The following ZBTB44 variants were observed in gnomAD, a reference collection of about 807,000 sequenced individuals.
ZBTB44 encodes zinc finger and BTB domain-containing protein 44.
In ZBTB44, 15 loss-of-function variants were observed where a neutral mutation model predicts 54.0. That is an observed-to-expected ratio of 0.28 (90% CI 0.19 to 0.43). The LOEUF (loss-of-function observed/expected upper bound fraction) is 0.43, where lower values mean the gene tolerates loss of function less well. Ranked by LOEUF, ZBTB44 falls within the 20% of genes least tolerant of loss-of-function variation. ZBTB44 has a pLI of 1.00. For synonymous variants in ZBTB44, 230 were observed against 250.1 expected, an observed-to-expected ratio of 0.92 and a Z score of 0.76; for missense variants, 487 against 707.1, an observed-to-expected ratio of 0.69 and a Z score of 3.53.
chr11:130,278,976 A>G (rs1485015425), intron 1 of ZBTB44, among the ~76,000 whole-genome samples: 1 of 151,990 alleles, frequency 6.6e-6, no homozygotes, highest in Non-Finnish European at 1.5e-5. Flanking sequence ...CATGAGTCAT[A>G]ATTTCTTTTT....
intron 1 of ZBTB44, among the ~76,000 whole-genome samples, chr11:130,265,547 G>A (rs942126339): frequency 1.2e-4 from 18 of 152,178 alleles, no homozygotes; most frequent in Admixed American, 1.3e-4. Context: ...AGAGCTGAGA[G>A]AGCCTGAAAG....
At chr11:130,298,404 C>CA (rs1941788330) in intron 1 of ZBTB44, among the ~76,000 whole-genome samples, 1 of 151,336 alleles carries the variant, frequency 6.6e-6, no homozygotes, top group Non-Finnish European at 1.5e-5. Flanking sequence ...CTTAGCTTCC[C>CA]AAAGTGCTGA....
intron 1 of ZBTB44, chr11:130,297,035 T>C (rs950865337): frequency 3.8e-5 from 26 of 686,490 alleles, no homozygotes; most frequent in African/African-American, 1.3e-4. Context: ...AATCATCCGA[T>C]AGCAGGCAGC....
intron 1 of ZBTB44, among the ~76,000 whole-genome samples, chr11:130,290,072 T>A (rs908272796): frequency 3.3e-5 from 5 of 152,178 alleles, no homozygotes; most frequent in African/African-American, 1.2e-4. Context: ...ATGGGGAGAT[T>A]ATCCCAGATT....
chr11:130,296,546 G>A, intron 1 of ZBTB44: 1 of 894,474 alleles, frequency 1.1e-6, no homozygotes, highest in South Asian at 1.5e-5. Flanking sequence ...TGTTCACTAT[G>A]ACCATCCGGA....
rs552631959 is a variant in ZBTB44 at position 130,300,187 on chromosome 11, G to A, written c.-57+14188C>T. ...CAGAGATGGGGAGTTACTGTTTAAC[G>A]AGCACAGTTACACTTCTGAAAGATG... is the stretch of plus-strand genomic sequence containing the variant. On this transcript the variant is annotated intron_variant, in intron 1 of 7. Coordinates refer to ENST00000357899, the MANE Select transcript of ZBTB44 (RefSeq NM_001301098.2). Among the ~76,000 whole-genome samples, 6 of 152,298 alleles carry A rather than the reference G, an allele frequency of 3.9e-5. No individual in the cohort carries two copies. The South Asian group carries it at 6.2e-4, about 16-fold the overall frequency.
intron 1 of ZBTB44, among the ~76,000 whole-genome samples, chr11:130,305,123 G>A (rs1592077007): frequency 6.6e-6 from 1 of 152,178 alleles, no homozygotes; most frequent in Non-Finnish European, 1.5e-5. Context: ...ACAAACAAAT[G>A]GAAACACATC....
At chr11:130,264,328 A>G (rs1028141667) in intron 1 of ZBTB44, among the ~76,000 whole-genome samples, 3 of 152,200 alleles carry the variant, frequency 2.0e-5, no homozygotes, top group Admixed American at 2.0e-4. Context: ...AAGAGAAGTG[A>G]AAGAAGAAAG....
rs535604718 is a variant in ZBTB44 at position 130,229,886 on chromosome 11, T to C, written c.*1878A>G. On this transcript the variant is annotated 3_prime_UTR_variant, in exon 8 of 8. Transcript: ENST00000357899. ...TGTAAACTTCACACTAGTTTTTTTT[T>C]CCCAGTTAGTATTAATATTTAGAAA... The C allele has an allele frequency of 6.6e-6, 1 of 152,234 alleles. No homozygotes were observed. Among genetic ancestry groups the C allele is most frequent in the East Asian group, 1.9e-4 (1 of 5,188 alleles). 9.4% of individuals were successfully genotyped at this position (152,234 alleles called of 1,614,324 possible). A position where few individuals can be genotyped will look rare whatever the true frequency, so the allele number is the denominator to read the frequency against.
intron 2 of ZBTB44, among the ~76,000 whole-genome samples, chr11:130,257,238 T>TAAAAAAAAAAAAAA: frequency 9.1e-6 from 1 of 109,342 alleles, no homozygotes; most frequent in Non-Finnish European, 2.0e-5. Context: ...TCCCAGATCT[T>TAAAAAAAAAAAAAA]AAAAAAAAAA....
rs748954468 is a variant in ZBTB44 at position 130,237,070 on chromosome 11, G to A, written c.1291C>T (p.Arg431Cys). The change falls in exon 5 of 8, where the codon CGC becomes TGC. Residue 431 changes from arginine to cysteine, a missense_variant. This residue lies in a region of ZBTB44 where 120 missense variants were observed against 240.3 expected (regional missense o/e 0.50). Transcript: ENST00000357899. ...HSGIKPFQCD[R>C]CGKKFTRAYS... ...GCCCTGGTGAACTTTTTCCCACAGCGGTCACACTGAAATGGTTTAATTCCT... is the reference window on the plus strand; with the variant it reads ...GCCCTGGTGAACTTTTTCCCACAGCAGTCACACTGAAATGGTTTAATTCCT... The A allele has an allele frequency of 2.5e-6, 4 of 1,586,302 alleles. No individual in the cohort carries two copies. Among genetic ancestry groups the A allele is most frequent in the Admixed American group, 1.8e-5 (1 of 55,772 alleles).
chr11:130,260,975 T>A lies in ZBTB44; in HGVS notation c.899A>T (p.His300Leu). The A allele has an allele frequency of 6.2e-7, 1 of 1,614,008 alleles. No homozygotes were observed. The highest frequency in any genetic ancestry group is 8.5e-7 in the Non-Finnish European group (1 of 1,179,890). ...KVERLSDEEV[H>L]EEVSQPVSAS... ...ACTGACAGGCTGGGACACTTCCTCA[T>A]GGACCTCCTCATCACTTAATCTTTC... Residue 300 changes from histidine (H) to leucine (L), a missense_variant, in exon 2 of 8, where the codon CAT becomes CTT. His to Leu is a moderately conservative substitution (Grantham distance 99). Around this residue, in one of 3 missense-constraint regions of ZBTB44, gnomAD observed 277 missense variants for 306.5 expected, o/e 0.90. Transcript: ENST00000357899.
chr11:130,279,310 A>T (rs1293802954), intron 1 of ZBTB44, among the ~76,000 whole-genome samples: 3 of 133,486 alleles, frequency 2.2e-5, no homozygotes, highest in African/African-American at 9.4e-5. Context: ...CTGTTATTTA[A>T]AAAAAAAAAA....
intron 1 of ZBTB44, among the ~76,000 whole-genome samples, chr11:130,313,966 A>ATATATTTTT (rs1160244728): frequency 8.6e-6 from 1 of 116,134 alleles, no homozygotes; most frequent in African/African-American, 2.8e-5. Flanking sequence ...ATATATATAT[A>ATATATTTTT]TTTTTTTAAA....
At chr11:130,240,366 AT>A (rs368745050) in intron 2 of ZBTB44, among the ~76,000 whole-genome samples, 10 of 151,506 alleles carry the variant, frequency 6.6e-5, no homozygotes, top group Admixed American at 3.3e-4. Flanking sequence ...AATGTTTGTG[AT>A]TTTAAAGAAA....
At position 130,228,840 on chromosome 11, in the gene ZBTB44, C is replaced by T. The variant is rs980724588; in HGVS notation, c.*2924G>A. 7 of 152,186 alleles carry T rather than the reference C, an allele frequency of 4.6e-5. No individual in the cohort carries two copies. Among genetic ancestry groups the T allele is most frequent in the African/African-American group, 4.8e-5 (2 of 41,440 alleles). 9.4% of individuals were successfully genotyped at this position (152,186 alleles called of 1,614,324 possible). A position where few individuals can be genotyped will look rare whatever the true frequency, so the allele number is the denominator to read the frequency against. On this transcript the variant is annotated 3_prime_UTR_variant, in exon 8 of 8. Coordinates refer to ENST00000357899, the MANE Select transcript of ZBTB44 (RefSeq NM_001301098.2). ...AATTTTATCAGTATATCGCCACAAC[C>T]GTGCCTGGGACTTTAAGCTTCATCA... is the stretch of plus-strand genomic sequence containing the variant.
rs575941518 is a variant in ZBTB44 at position 130,293,797 on chromosome 11, A to AAAAC, written c.-57+20574_-57+20577dup. 7.8e-4 allele frequency among the ~76,000 whole-genome samples: 118 copies of AAAAC among 152,202 alleles called. 1 individual carries two copies. The East Asian group carries it at 0.011, about 14-fold the overall frequency. On this transcript the variant is annotated intron_variant, in intron 1 of 7. Transcript: ENST00000357899. ...GGCAACAAAAGCGAAATTCCATCTC[A>AAAAC]AAACAAACAAACAAACAAACAAAAA...
At chr11:130,285,640 C>A in intron 1 of ZBTB44, 1 of 262,884 alleles carries the variant, frequency 3.8e-6, no homozygotes, top group South Asian at 5.5e-5. Context: ...GGAATATCCC[C>A]TACTTCACAG....
In ZBTB44 at chr11:130,269,833, C is replaced by T. The variant is rs1467117057; in HGVS notation, c.-56-7904G>A. 2.0e-5 allele frequency among the ~76,000 whole-genome samples: 3 copies of T among 152,032 alleles called. No individual in the cohort carries two copies. In the East Asian group the frequency reaches 5.8e-4, roughly 29 times the overall value. Reference sequence around the variant, plus strand: ...AACAGGAATCATAGAAATTATACTTCCAAGATAGCCAAGAGGATTAAATTA... The same window carrying T: ...AACAGGAATCATAGAAATTATACTTTCAAGATAGCCAAGAGGATTAAATTA... On this transcript the variant is annotated intron_variant, in intron 1 of 7. Transcript: ENST00000357899.
Sources: gnomAD v4.1 joint callset for allele counts (sites outside exome capture counted in the v4.1 genomes callset) on GRCh38, gnomAD v4.1.1 for gene constraint, gnomAD v4.1.1 regional missense constraint, MANE v1.5 for transcripts, NCBI Gene and HGNC (gene_info 2026-07-23, HGNC 2026-07-21) for gene names.